GPC5: variants seen among roughly 807,000 people sequenced by gnomAD.
GPC5 encodes glypican-5.
Under a neutral mutation model 53.9 loss-of-function variants are expected in GPC5, and 47 were observed. That is an observed-to-expected ratio of 0.87 (90% CI 0.69 to 1.11). The LOEUF is 1.11. Ranked by LOEUF, GPC5 falls within the 50% of genes most tolerant of loss-of-function variation. The pLI is 0.00. For missense variants in GPC5, 748 were observed against 713.1 expected, an observed-to-expected ratio of 1.05 and a Z score of -0.56; for synonymous variants, 286 against 263.3, an observed-to-expected ratio of 1.09 and a Z score of -0.84.
intron 7 of GPC5, among the ~76,000 whole-genome samples, chr13:92,468,533 G>C (rs1161677716): frequency 6.6e-6 from 1 of 152,090 alleles, no homozygotes; most frequent in East Asian, 1.9e-4. Flanking sequence ...GAAAAGACAG[G>C]AATATAAATA....
chr13:92,597,978 A>G (rs1883932783), intron 7 of GPC5, among the ~76,000 whole-genome samples: 2 of 152,190 alleles, frequency 1.3e-5, no homozygotes, highest in South Asian at 4.1e-4. Context: ...TCAAGGCCAA[A>G]TTTGGAACTA....
intron 2 of GPC5, among the ~76,000 whole-genome samples, chr13:91,648,346 G>A (rs2034611910): frequency 6.6e-6 from 1 of 150,902 alleles, no homozygotes; most frequent in Non-Finnish European, 1.5e-5. Context: ...GTTTTTAATT[G>A]TATTAAGACA....
chr13:92,413,395 A>C (rs1045061988), intron 7 of GPC5, among the ~76,000 whole-genome samples: 15 of 152,326 alleles, frequency 9.8e-5, no homozygotes, highest in African/African-American at 3.4e-4. Context: ...TATTTTATTG[A>C]CCAGGCACTA....
intron 7 of GPC5, among the ~76,000 whole-genome samples, chr13:92,807,807 AG>A (rs1877152977): frequency 2.0e-5 from 3 of 152,108 alleles, no homozygotes; most frequent in Non-Finnish European, 4.4e-5. Flanking sequence ...CACGCTTTAA[AG>A]GCTGTGTGAC....
intron 7 of GPC5, among the ~76,000 whole-genome samples, chr13:92,381,897 A>ATCATAT (rs1218262542): frequency 0.017 from 1,755 of 101,300 alleles, 103 homozygotes; most frequent in African/African-American, 0.061. Flanking sequence ...TATTATATAT[A>ATCATAT]ATCATATATA....
At chr13:91,719,607 T>A (rs1289880548) in intron 3 of GPC5, among the ~76,000 whole-genome samples, 1 of 152,222 alleles carries the variant, frequency 6.6e-6, no homozygotes, top group African/African-American at 2.4e-5. Context: ...ACAAAATAGA[T>A]CTATGGTTTA....
chr13:92,627,829 T>C (rs1885095635), intron 7 of GPC5, among the ~76,000 whole-genome samples: 1 of 152,168 alleles, frequency 6.6e-6, no homozygotes, highest in Non-Finnish European at 1.5e-5. Flanking sequence ...TCTTAATCAG[T>C]ATATATTTCC....
intron 5 of GPC5, among the ~76,000 whole-genome samples, chr13:91,827,705 C>G (rs962824587): frequency 2.6e-5 from 4 of 152,016 alleles, no homozygotes; most frequent in Admixed American, 6.6e-5. Context: ...TAAACTGTTT[C>G]TTGCTGAGCG....
Position 92,476,258 on chromosome 13 carries a change from A to C in GPC5, c.1561+331269A>C, listed in dbSNP as rs1019126455. On this transcript the variant is annotated intron_variant, in intron 7 of 7. Transcript: ENST00000377067. ...GGACATGAACAGACACTTCTCAAAC[A>C]AAGACATTTATGCAGCCAAAAAACA... 5.6e-4 allele frequency among the ~76,000 whole-genome samples: 86 copies of C among 152,256 alleles called. 1 individual carries two copies. Among genetic ancestry groups the C allele is most frequent in the African/African-American group, 2.1e-3 (86 of 41,568 alleles).
intron 7 of GPC5, among the ~76,000 whole-genome samples, chr13:92,327,739 T>C (rs1259751899): frequency 5.3e-5 from 8 of 152,162 alleles, no homozygotes; most frequent in Non-Finnish European, 1.0e-4. Context: ...CAATTTCTTT[T>C]ACAACGAAAT....
At chr13:91,764,897 G>A (rs1379817606) in intron 5 of GPC5, among the ~76,000 whole-genome samples, 1 of 152,150 alleles carries the variant, frequency 6.6e-6, no homozygotes, top group Non-Finnish European at 1.5e-5. Context: ...TAGCCTGGCA[G>A]GTATTAACAG....
chr13:92,277,243 G>A (rs1027656456), intron 7 of GPC5, among the ~76,000 whole-genome samples: 7 of 151,962 alleles, frequency 4.6e-5, no homozygotes, highest in South Asian at 2.1e-4. Context: ...CACCTTGAGC[G>A]TTTTTGAGAA....
chr13:92,811,867 T>C (rs1877312008), intron 7 of GPC5, among the ~76,000 whole-genome samples: 1 of 151,962 alleles, frequency 6.6e-6, no homozygotes, highest in African/African-American at 2.4e-5. Flanking sequence ...ATACTTCTTT[T>C]TCCTTTGAAT....
chr13:91,445,601 A>T (rs562979950), intron 1 of GPC5, among the ~76,000 whole-genome samples: 13 of 152,236 alleles, frequency 8.5e-5, no homozygotes, highest in African/African-American at 2.9e-4. Context: ...CAGTCTCCTG[A>T]GTAGCTGGGA....
At chr13:92,283,125 A>G (rs2042928840) in intron 7 of GPC5, among the ~76,000 whole-genome samples, 1 of 152,208 alleles carries the variant, frequency 6.6e-6, no homozygotes, top group Non-Finnish European at 1.5e-5. Context: ...TAAACCAATA[A>G]AGGTCAAAAG....
chr13:91,706,257 T>C (rs1460543386), intron 3 of GPC5, among the ~76,000 whole-genome samples: 2 of 152,140 alleles, frequency 1.3e-5, no homozygotes, highest in Non-Finnish European at 2.9e-5. Context: ...TAAAGTTAGA[T>C]TTAATTTACA....
chr13:92,518,425 T>G (rs1880881554), intron 7 of GPC5, among the ~76,000 whole-genome samples: 1 of 152,084 alleles, frequency 6.6e-6, no homozygotes, highest in Non-Finnish European at 1.5e-5. Context: ...TAACAGCAGA[T>G]CTCTCGGCAG....
At chr13:92,584,701 TG>T (rs1883480302) in intron 7 of GPC5, among the ~76,000 whole-genome samples, 1 of 152,282 alleles carries the variant, frequency 6.6e-6, no homozygotes, top group South Asian at 2.1e-4. Flanking sequence ...GAGGTCTTCA[TG>T]GCAGCCCTTT....
intron 4 of GPC5, among the ~76,000 whole-genome samples, chr13:91,748,632 G>T (rs575074811): frequency 1.3e-5 from 2 of 152,164 alleles, no homozygotes; most frequent in Non-Finnish European, 2.9e-5. Flanking sequence ...TTCATTAATT[G>T]GGAAGGTAGA....
Sources: gnomAD v4.1 joint callset for allele counts (sites outside exome capture counted in the v4.1 genomes callset) on GRCh38, gnomAD v4.1.1 for gene constraint, MANE v1.5 for transcripts, NCBI Gene and HGNC (gene_info 2026-07-23, HGNC 2026-07-21) for gene names.